Variants in HMCN1 observed in about 807,000 individuals in gnomAD.
HMCN1 encodes hemicentin 1, also known as hemicentin-1.
In HMCN1, 321 loss-of-function variants were observed where a neutral mutation model predicts 625.9. The observed-to-expected ratio is 0.51, with a 90% confidence interval of 0.47 to 0.56. HMCN1 has a LOEUF of 0.56. Ranked by LOEUF, HMCN1 falls within the 20% of genes least tolerant of loss-of-function variation. The probability of loss-of-function intolerance (pLI) is 0.00; values close to 1 mark genes in which losing one functional copy is unlikely to be tolerated. For missense variants in HMCN1, 6,588 were observed against 6,887.3 expected, an observed-to-expected ratio of 0.96 and a Z score of 1.54; for synonymous variants, 2,425 against 2,417.6, an observed-to-expected ratio of 1.00 and a Z score of -0.09.
chr1:185,909,236 T>A (rs1041547524), intron 4 of HMCN1, 101 bp from the exon 5 acceptor site: 3 of 850,220 alleles, frequency 3.5e-6, no homozygotes, highest in Non-Finnish European at 6.0e-6. Context: ...CAGTCCAGGA[T>A]GTGCCGGAGT....
At chr1:185,962,736 C>A in intron 12 of HMCN1, 77 bp downstream of exon 12, 2 of 841,032 alleles carry the variant, frequency 2.4e-6, no homozygotes, top group South Asian at 2.7e-5. Context: ...ACTAATATGA[C>A]CAAATCCCTA....
At chr1:186,126,136 A>G (rs779551414) in intron 82 of HMCN1, among the ~76,000 whole-genome samples, 3 of 152,028 alleles carry the variant, frequency 2.0e-5, no homozygotes, top group Non-Finnish European at 4.4e-5. Context: ...TTTTTATGCT[A>G]TATTTTCAAT....
chr1:185,954,852 A>G (rs562479847), intron 11 of HMCN1, among the ~76,000 whole-genome samples: 8 of 152,248 alleles, frequency 5.3e-5, no homozygotes, highest in African/African-American at 1.9e-4. Context: ...TGCCCTCTTT[A>G]TTTATGGACA....
intron 1 of HMCN1, among the ~76,000 whole-genome samples, chr1:185,838,489 T>C (rs1382727570): frequency 6.6e-6 from 1 of 152,068 alleles, no homozygotes; most frequent in East Asian, 1.9e-4. Context: ...CAGATTCCTA[T>C]TGGGGAACCT....
intron 52 of HMCN1, among the ~76,000 whole-genome samples, chr1:186,074,465 T>C (rs1205570127): frequency 6.6e-6 from 1 of 152,064 alleles, no homozygotes; most frequent in African/African-American, 2.4e-5. Flanking sequence ...TAAGAACATA[T>C]ATTTATCATA....
intron 21 of HMCN1, 125 bp downstream of exon 21, chr1:185,989,772 A>ATT (rs1156913510): frequency 5.1e-3 from 2,734 of 533,648 alleles, no homozygotes; most frequent in South Asian, 6.1e-3. Context: ...CCAGATTTCT[A>ATT]TTTTTTTTTT....
chr1:185,988,043 C>T (rs1026390678), intron 20 of HMCN1, among the ~76,000 whole-genome samples: 6 of 152,066 alleles, frequency 3.9e-5, no homozygotes, highest in Non-Finnish European at 5.9e-5. Flanking sequence ...GGTTATGCTA[C>T]GGACGTGTTC....
Position 186,190,077 on chromosome 1 carries a change from G to C in HMCN1, c.*199G>C. On this transcript the variant is annotated 3_prime_UTR_variant, in exon 107 of 107. Transcript: ENST00000271588. The stretch of plus-strand genomic sequence containing the variant: ...TGGTCATATCTTGAAGTATGGTCTA[G>C]AAAAGTCCCTTATTATTTTATTTAT... 1 of 628,512 alleles carries C rather than the reference G, an allele frequency of 1.6e-6. No individual in the cohort carries two copies. The highest frequency in any genetic ancestry group is 2.8e-5 in the Admixed American group (1 of 36,050). 38.9% of individuals were successfully genotyped at this position (628,512 alleles called of 1,614,324 possible).
intron 86 of HMCN1, among the ~76,000 whole-genome samples, chr1:186,132,963 A>C (rs922242522): frequency 6.6e-6 from 1 of 152,146 alleles, no homozygotes; most frequent in Non-Finnish European, 1.5e-5. Flanking sequence ...CCTACAAAGG[A>C]CATGAACTCA....
chr1:186,129,216 TAAATG>T lies in HMCN1; in HGVS notation c.12905-748_12905-744del, dbSNP rs745650670. Reference sequence around the variant, plus strand: ...GTAAAAGATTTAAAAAAAAAAAACTTAAATGAGGAGAGCATGCAAGGTAAACATAC... The same window carrying T: ...GTAAAAGATTTAAAAAAAAAAAACTTAGGAGAGCATGCAAGGTAAACATAC... On this transcript the variant is annotated intron_variant, in intron 83 of 106. Coordinates refer to ENST00000271588, the MANE Select transcript of HMCN1 (RefSeq NM_031935.3). Among the ~76,000 whole-genome samples the T allele has an allele frequency of 9.7e-3, 1,473 of 151,136 alleles. 11 individuals carry two copies. Among genetic ancestry groups the T allele is most frequent in the Middle Eastern group, 0.038 (11 of 286 alleles).
At chr1:185,784,495 CG>C (rs1211342805) in intron 1 of HMCN1, among the ~76,000 whole-genome samples, 1 of 152,054 alleles carries the variant, frequency 6.6e-6, no homozygotes, top group Non-Finnish European at 1.5e-5. Context: ...ATCTTGGAAC[CG>C]CCCCCACTTT....
chr1:186,154,099 G>A (rs1650844002), intron 97 of HMCN1, 112 bp downstream of exon 97: 1 of 881,796 alleles, frequency 1.1e-6, no homozygotes. Flanking sequence ...GGTTTTTCAT[G>A]TGTGTTGTCT....
chr1:186,148,861 C>G (rs1336918922), intron 93 of HMCN1, among the ~76,000 whole-genome samples: 1 of 152,212 alleles, frequency 6.6e-6, no homozygotes, highest in East Asian at 1.9e-4. Context: ...CAACATTTAT[C>G]TCCTTGTACA....
chr1:185,882,387 T>A (rs1664363816), intron 4 of HMCN1, among the ~76,000 whole-genome samples: 1 of 152,120 alleles, frequency 6.6e-6, no homozygotes, highest in African/African-American at 2.4e-5. Flanking sequence ...ATTCTTTGAT[T>A]TTGCAGCTAA....
intron 11 of HMCN1, among the ~76,000 whole-genome samples, chr1:185,934,582 C>T (rs1667720333): frequency 6.6e-6 from 1 of 152,122 alleles, no homozygotes; most frequent in Non-Finnish European, 1.5e-5. Context: ...GTCTAAAGAC[C>T]AGCAGGGAAT....
chr1:185,755,025 T>C (rs1655045651), intron 1 of HMCN1, among the ~76,000 whole-genome samples: 4 of 152,212 alleles, frequency 2.6e-5, no homozygotes, highest in Admixed American at 2.6e-4. Flanking sequence ...TCTCATAGAG[T>C]TGTTTTTATG....
chr1:186,157,778 G>A (rs1651127641), intron 97 of HMCN1, among the ~76,000 whole-genome samples: 2 of 152,106 alleles, frequency 1.3e-5, no homozygotes, highest in South Asian at 4.1e-4. Flanking sequence ...ACTCATCATT[G>A]TTTATGGCTG....
chr1:186,155,731 A>G (rs1198735895), intron 97 of HMCN1, among the ~76,000 whole-genome samples: 1 of 152,186 alleles, frequency 6.6e-6, no homozygotes, highest in African/African-American at 2.4e-5. Context: ...CTGTGATTCT[A>G]TGAATCACAT....
At chr1:185,906,039 CATT>C (rs1455956355) in intron 4 of HMCN1, among the ~76,000 whole-genome samples, 1 of 151,712 alleles carries the variant, frequency 6.6e-6, no homozygotes, top group Non-Finnish European at 1.5e-5. Flanking sequence ...TAGGCTCTCA[CATT>C]ATTCTAGTTT....
Sources: allele counts gnomAD v4.1 joint callset (sites outside exome capture counted in the v4.1 genomes callset), GRCh38; gene constraint gnomAD v4.1.1; transcripts MANE v1.5; gene names NCBI Gene and HGNC (gene_info 2026-07-23, HGNC 2026-07-21).